FARP1: variants seen among roughly 807,000 people sequenced by gnomAD.
FARP1 encodes FERM, ARHGEF and pleckstrin domain-containing protein 1.
FARP1 carries 52 observed loss-of-function variants against 128.8 expected under a neutral mutation model. The observed-to-expected ratio is 0.40, with a 90% confidence interval of 0.32 to 0.51. The LOEUF (loss-of-function observed/expected upper bound fraction) is 0.51. FARP1 is among the 20% of genes least tolerant of loss of function. The probability of loss-of-function intolerance (pLI) is 0.45; values close to 1 mark genes in which losing one functional copy is unlikely to be tolerated. For missense variants in FARP1, 1,333 were observed against 1,367.9 expected, an observed-to-expected ratio of 0.97 and a Z score of 0.40; for synonymous variants, 580 against 551.8, an observed-to-expected ratio of 1.05 and a Z score of -0.72.
At chr13:98,361,125 C>T (rs1407348843) in intron 3 of FARP1, among the ~76,000 whole-genome samples, 11 of 152,140 alleles carry the variant, frequency 7.2e-5, no homozygotes, top group Non-Finnish European at 1.5e-4. Context: ...TTTTGCTGCT[C>T]CCAGCTCATC....
Position 98,440,729 on chromosome 13 carries a change from C to A in FARP1, c.2689C>A (p.Arg897Ser). The A allele has an allele frequency of 1.9e-6, 3 of 1,613,534 alleles. No homozygotes were observed. The highest frequency in any genetic ancestry group is 2.7e-5 in the African/African-American group (2 of 75,078). The change falls in exon 24 of 27, where the codon CGC becomes AGC. Residue 897 changes from arginine to serine, a missense_variant. Around this residue, in one of 2 missense-constraint regions of FARP1, gnomAD observed 1,009 missense variants for 969.8 expected, o/e 1.04. Transcript: ENST00000319562. ...QESEDDLSAS[R>S]TSLERQAPHR... Reference sequence around the variant, plus strand: ...GTCAGAGGATGACCTGAGCGCCTCGCGCACATCGCTGGAGCGCCAGGCCCC... The same window carrying A: ...GTCAGAGGATGACCTGAGCGCCTCGAGCACATCGCTGGAGCGCCAGGCCCC...
At chr13:98,390,726 G>T in intron 10 of FARP1, 86 bp from the exon 11 acceptor site, 1 of 997,510 alleles carries the variant, frequency 1.0e-6, no homozygotes, top group South Asian at 1.4e-5. Context: ...GGAAGGAGGG[G>T]AAGTGAAGCC....
chr13:98,354,261 G>C (rs1888554286), intron 3 of FARP1, among the ~76,000 whole-genome samples: 1 of 152,106 alleles, frequency 6.6e-6, no homozygotes, highest in African/African-American at 2.4e-5. Context: ...TTCATTTAAA[G>C]CTTTTTTGGT....
At chr13:98,298,689 A>T (rs1885802297) in intron 2 of FARP1, among the ~76,000 whole-genome samples, 1 of 152,152 alleles carries the variant, frequency 6.6e-6, no homozygotes, top group South Asian at 2.1e-4. Flanking sequence ...GTTATGGGAC[A>T]TGAGCAATGT....
intron 2 of FARP1, among the ~76,000 whole-genome samples, chr13:98,331,132 G>T (rs575486357): frequency 5.3e-5 from 8 of 152,156 alleles, no homozygotes; most frequent in Non-Finnish European, 1.0e-4. Flanking sequence ...TAACACCTAA[G>T]GAAACTGGTT....
chr13:98,268,992 A>G (rs1400913687), intron 2 of FARP1, among the ~76,000 whole-genome samples: 5 of 151,976 alleles, frequency 3.3e-5, no homozygotes, highest in Non-Finnish European at 7.4e-5. Context: ...TTGGCCTCCC[A>G]AAGTTCTGGG....
intron 13 of FARP1, chr13:98,406,066 C>A (rs1048010697): frequency 2.0e-5 from 3 of 152,172 alleles, no homozygotes; most frequent in African/African-American, 7.2e-5. Flanking sequence ...AACTCTGTGA[C>A]CTTGGACATT....
At chr13:98,277,141 C>CACACACACACACACACACACAT (rs1884694045) in intron 2 of FARP1, among the ~76,000 whole-genome samples, 1 of 142,424 alleles carries the variant, frequency 7.0e-6, no homozygotes, top group Non-Finnish European at 1.6e-5. Flanking sequence ...CACACACACA[C>CACACACACACACACACACACAT]ACACACACCC....
chr13:98,199,936 G>T (rs1338425786), intron 1 of FARP1, among the ~76,000 whole-genome samples: 1 of 152,048 alleles, frequency 6.6e-6, no homozygotes, highest in Non-Finnish European at 1.5e-5. Flanking sequence ...TTTTTTTCTG[G>T]TTTCCTGATT....
rs1246963775 is a variant in FARP1, at chr13:98,222,133, A to G, written c.171+8720A>G. 8.5e-5 allele frequency among the ~76,000 whole-genome samples: 13 copies of G among 152,312 alleles called. 1 individual carries two copies. The South Asian group carries it at 2.1e-3, about 24-fold the overall frequency. On this transcript the variant is annotated intron_variant, in intron 2 of 26. Transcript: ENST00000319562. Reference sequence around the variant, plus strand: ...CTTTGTAACTTTGAAGGAGAGCCTCATAGGTCTCTGTTTCCTCATTTATAC... The same window carrying G: ...CTTTGTAACTTTGAAGGAGAGCCTCGTAGGTCTCTGTTTCCTCATTTATAC...
chr13:98,337,538 C>CGTGTGT (rs60625244), intron 2 of FARP1, among the ~76,000 whole-genome samples: 6,447 of 131,986 alleles, frequency 0.049, 255 homozygotes, highest in East Asian at 0.17. Flanking sequence ...TCTGTGTAGC[C>CGTGTGT]GTGTGTGTGT....
chr13:98,447,055 T>C, intron 26 of FARP1: 7 of 488,850 alleles, frequency 1.4e-5, no homozygotes, highest in South Asian at 2.5e-5. Flanking sequence ...CCTAGACATC[T>C]TGCTTGGAGA....
At chr13:98,171,464 C>T (rs946312936) in intron 1 of FARP1, among the ~76,000 whole-genome samples, 1 of 152,202 alleles carries the variant, frequency 6.6e-6, no homozygotes, top group Non-Finnish European at 1.5e-5. Context: ...AGACCTCTCT[C>T]TTGCTTTCTG....
chr13:98,390,507 C>G (rs1890265247), intron 10 of FARP1: 2 of 441,830 alleles, frequency 4.5e-6, no homozygotes, highest in Non-Finnish European at 8.0e-6. Flanking sequence ...GCACTGAGCC[C>G]AGTGATCCCT....
At position 98,343,777 on chromosome 13, in the gene FARP1, A is replaced by G; in HGVS notation, c.187A>G (p.Lys63Glu). Reference sequence around the variant, plus strand: ...CTGCTCACAGCAAAGAGCTCCTGGGAAGGTGCTGCTGGATGCAGTTTGCAA... The same window carrying G: ...CTGCTCACAGCAAAGAGCTCCTGGGGAGGTGCTGCTGGATGCAGTTTGCAA... Reference protein sequence around the residue: ...AFEVPQRAPGKVLLDAVCNHL... With the variant: ...AFEVPQRAPGEVLLDAVCNHL... Residue 63 changes from lysine to glutamate, a missense_variant, in exon 3 of 27, where the codon AAG becomes GAG. This residue lies in a region of FARP1 where 324 missense variants were observed against 398.1 expected (regional missense o/e 0.81). Transcript: ENST00000319562. 6.2e-7 allele frequency: 1 copy of G among 1,613,662 alleles called. No individual in the cohort carries two copies.
chr13:98,424,735 C>CTTTTTT, intron 17 of FARP1, 85 bp downstream of exon 17: 2 of 901,302 alleles, frequency 2.2e-6, no homozygotes, highest in South Asian at 2.7e-5. Flanking sequence ...TAAGCCATTT[C>CTTTTTT]CATCAGCATG....
intron 2 of FARP1, among the ~76,000 whole-genome samples, chr13:98,254,099 GT>G (rs1171438321): frequency 6.6e-6 from 1 of 152,180 alleles, no homozygotes. Context: ...GGACCTCTGA[GT>G]TTCCGGGCAA....
chr13:98,297,646 A>G (rs547093018), intron 2 of FARP1, among the ~76,000 whole-genome samples: 1 of 152,288 alleles, frequency 6.6e-6, no homozygotes, highest in East Asian at 1.9e-4. Flanking sequence ...GGGAAGGAGG[A>G]CATTTGGGTG....
intron 2 of FARP1, among the ~76,000 whole-genome samples, chr13:98,256,004 G>C (rs1883570082): frequency 6.6e-6 from 1 of 152,174 alleles, no homozygotes; most frequent in Non-Finnish European, 1.5e-5. Context: ...AACCCTTCTG[G>C]TGGGCCATTT....
Sources: gnomAD v4.1 joint callset for allele counts (sites outside exome capture counted in the v4.1 genomes callset) on GRCh38, gnomAD v4.1.1 for gene constraint, gnomAD v4.1.1 regional missense constraint, MANE v1.5 for transcripts, NCBI Gene and HGNC (gene_info 2026-07-23, HGNC 2026-07-21) for gene names.